The following TMEM179 variants were observed in gnomAD, a reference collection of about 807,000 sequenced individuals.
TMEM179 encodes transmembrane protein 179A.
In TMEM179, 17 loss-of-function variants were observed where a neutral mutation model predicts 22.2. That is an observed-to-expected ratio of 0.77 (90% CI 0.52 to 1.15). The LOEUF (loss-of-function observed/expected upper bound fraction) is 1.15. TMEM179 is among the 50% of genes most tolerant of loss of function. TMEM179 has a pLI of 0.00. For missense variants in TMEM179, 265 were observed against 313.6 expected (o/e 0.84, Z 1.17); for synonymous variants, 127 against 140.5 (o/e 0.90, Z 0.68).
intron 1 of TMEM179, among the ~76,000 whole-genome samples, chr14:104,603,035 G>A (rs149998774): frequency 8.5e-5 from 13 of 152,328 alleles, no homozygotes; most frequent in African/African-American, 3.1e-4. Context: ...GAGCAAAGGC[G>A]CCCTGTGAGG....
rs1448390972 is a variant in TMEM179, at chr14:104,593,496, TCTC to T, written c.682_684del (p.Glu228del). On this transcript the variant is annotated inframe_deletion, in exon 4 of 4. Coordinates refer to ENST00000556573, the MANE Select transcript of TMEM179 (RefSeq NM_001286389.2). ...CACTGTGCCTAAATGACAGCGCTCT[TCTC>T]CTCTTGGAAGGAGGTGCGTGGGGAC... 7.2e-6 allele frequency: 11 copies of T among 1,535,816 alleles called. No individual in the cohort carries two copies. The highest frequency in any genetic ancestry group is 9.6e-6 in the Non-Finnish European group (11 of 1,146,814).
chr14:104,596,883 C>A, intron 2 of TMEM179, 107 bp downstream of exon 2: 8 of 1,440,654 alleles, frequency 5.6e-6, no homozygotes, highest in Non-Finnish European at 6.6e-6. Context: ...CCAGGGACCG[C>A]AGACTCAGGA....
At position 104,597,552 on chromosome 14, in the gene TMEM179, A is replaced by G. The variant is rs547850042; in HGVS notation, c.306-425T>C. Reference sequence around the variant, plus strand: ...ATGTTCCAGTCCACTGAGGGGTTAGAAAGTGGGGCCTTTGGGAAGAGAGGA... The same window carrying G: ...ATGTTCCAGTCCACTGAGGGGTTAGGAAGTGGGGCCTTTGGGAAGAGAGGA... On this transcript the variant is annotated intron_variant, in intron 1 of 3. Transcript: ENST00000556573. The surrounding 1 kb of genome is among the most constrained non-coding windows in gnomAD (Gnocchi z 4.8). 6.6e-6 allele frequency among the ~76,000 whole-genome samples: 1 copy of G among 152,282 alleles called. No individual in the cohort carries two copies. The highest frequency in any genetic ancestry group is 2.1e-4 in the South Asian group (1 of 4,820).
At chr14:104,598,339 C>A (rs1008783787) in intron 1 of TMEM179, among the ~76,000 whole-genome samples, 6 of 152,204 alleles carry the variant, frequency 3.9e-5, no homozygotes, top group Non-Finnish European at 8.8e-5. Context: ...TCTCACCTGC[C>A]AGCAGGCTCG....
chr14:104,600,467 A>C (rs2140496041), intron 1 of TMEM179, among the ~76,000 whole-genome samples: 1 of 152,328 alleles, frequency 6.6e-6, no homozygotes, highest in South Asian at 2.1e-4. Flanking sequence ...CTGCCAGCCC[A>C]CGTGCTCAAT....
Position 104,597,708 on chromosome 14 carries a change from C to T in TMEM179, c.306-581G>A, listed in dbSNP as rs1299417285. Among the ~76,000 whole-genome samples the T allele has an allele frequency of 2.0e-5, 3 of 152,142 alleles. No individual in the cohort carries two copies. ...AGCAGGCATCGAACCTGGATCCCAG[C>T]CTGGATCGCAGACCTCTAGCCTCCG... On this transcript the variant is annotated intron_variant, in intron 1 of 3. Coordinates refer to ENST00000556573, the MANE Select transcript of TMEM179 (RefSeq NM_001286389.2). This position sits in a 1 kb window ranked among gnomAD's most constrained non-coding sequence, Gnocchi z 4.8.
chr14:104,598,919 C>G (rs4075516), intron 1 of TMEM179, among the ~76,000 whole-genome samples: 21,496 of 152,244 alleles, frequency 0.14, 1,687 homozygotes, highest in Middle Eastern at 0.22. Flanking sequence ...CAGCAGGACT[C>G]ACACACGTAC....
At position 104,593,446 on chromosome 14, in the gene TMEM179, G is replaced by T. The variant is rs577285495; in HGVS notation, c.*33C>A. 1.5e-5 allele frequency: 23 copies of T among 1,535,884 alleles called. No individual in the cohort carries two copies. The South Asian group carries it at 2.6e-4, about 17-fold the overall frequency. ...CCCGTGCCCCCGAGCGCAGCAGGGA[G>T]GTCGGGGCCAGCTCCCCCTGCCTGC... On this transcript the variant is annotated 3_prime_UTR_variant, in exon 4 of 4. Coordinates refer to ENST00000556573, the MANE Select transcript of TMEM179 (RefSeq NM_001286389.2).
chr14:104,598,284 G>A (rs1193841016), intron 1 of TMEM179, among the ~76,000 whole-genome samples: 2 of 152,186 alleles, frequency 1.3e-5, no homozygotes, highest in Admixed American at 6.5e-5. Flanking sequence ...CCTCACGGGC[G>A]GACACCAGCA....
intron 1 of TMEM179, among the ~76,000 whole-genome samples, chr14:104,599,119 C>G (rs1328340890): frequency 6.6e-6 from 1 of 152,206 alleles, no homozygotes; most frequent in Non-Finnish European, 1.5e-5. Flanking sequence ...CTCTCCAGCC[C>G]AGTGTGCTGT....
intron 3 of TMEM179, chr14:104,594,212 G>A: frequency 8.1e-7 from 1 of 1,231,878 alleles, no homozygotes; most frequent in South Asian, 4.1e-5. Context: ...TTAGGCCTGA[G>A]GCCTCTTCCA....
In TMEM179 at chr14:104,593,040, C is replaced by A; in HGVS notation, c.*439G>T. 5.8e-6 allele frequency: 1 copy of A among 172,406 alleles called. No individual in the cohort carries two copies. Among genetic ancestry groups the A allele is most frequent in the Non-Finnish European group, 1.2e-5 (1 of 80,930 alleles). 10.7% of individuals were successfully genotyped at this position (172,406 alleles called of 1,614,324 possible). ...AGCTCCTCCCCACACGCAGCCTCTG[C>A]CTGGATGGCAGAATTCATGCAGAAT... On this transcript the variant is annotated 3_prime_UTR_variant, in exon 4 of 4. Transcript: ENST00000556573.
intron 1 of TMEM179, among the ~76,000 whole-genome samples, chr14:104,601,872 AACCCTAACCCTC>A (rs1887250994): frequency 6.6e-6 from 1 of 152,078 alleles, no homozygotes. Flanking sequence ...CCCCCTCGAC[AACCCTAACCCTC>A]ACCCTAACCC....
At chr14:104,596,163 G>T (rs1460151568) in intron 2 of TMEM179, among the ~76,000 whole-genome samples, 1 of 152,254 alleles carries the variant, frequency 6.6e-6, no homozygotes, top group Non-Finnish European at 1.5e-5. Flanking sequence ...GAACAGACAG[G>T]CAGGGAGCCC....
chr14:104,597,915 G>T lies in TMEM179; in HGVS notation c.306-788C>A, dbSNP rs1887093539. Among the ~76,000 whole-genome samples the T allele has an allele frequency of 1.3e-5, 2 of 152,226 alleles. No individual in the cohort carries two copies. Among genetic ancestry groups the T allele is most frequent in the Admixed American group, 1.3e-4 (2 of 15,284 alleles). ...GGCTGTGATTGGGCCCATCTGACCAGGGCCAGAGCATGGGGAGCGCAGGAG... is the reference window on the plus strand; with the variant it reads ...GGCTGTGATTGGGCCCATCTGACCATGGCCAGAGCATGGGGAGCGCAGGAG... On this transcript the variant is annotated intron_variant, in intron 1 of 3. Coordinates refer to ENST00000556573, the MANE Select transcript of TMEM179 (RefSeq NM_001286389.2). The surrounding 1 kb of genome is among the most constrained non-coding windows in gnomAD (Gnocchi z 4.8).
Position 104,593,396 on chromosome 14 carries a change from C to A in TMEM179, c.*83G>T, listed in dbSNP as rs1004294385. On this transcript the variant is annotated 3_prime_UTR_variant, in exon 4 of 4. Coordinates refer to ENST00000556573, the MANE Select transcript of TMEM179 (RefSeq NM_001286389.2). ...GCATGTGGCCAGGGCCCAGGCAGAG[C>A]CCCCCAGCTGCTTCCCCAGGCAGGC... is the stretch of plus-strand genomic sequence containing the variant. 8.4e-5 allele frequency: 126 copies of A among 1,492,456 alleles called. No homozygotes were observed. The highest frequency in any genetic ancestry group is 2.4e-4 in the Admixed American group (12 of 50,002). 92.5% of individuals were successfully genotyped at this position (1,492,456 alleles called of 1,614,324 possible).
At position 104,592,196 on chromosome 14, in the gene TMEM179, GCA is replaced by G. The variant is rs1566740798; in HGVS notation, c.*1281_*1282del. 1 of 154,122 alleles carries G rather than the reference GCA, an allele frequency of 6.5e-6. No individual in the cohort carries two copies. Among genetic ancestry groups the G allele is most frequent in the Non-Finnish European group, 1.4e-5 (1 of 69,318 alleles). 9.5% of individuals were successfully genotyped at this position (154,122 alleles called of 1,614,324 possible). A position where few individuals can be genotyped will look rare whatever the true frequency, so the allele number is the denominator to read the frequency against. ...GTGCACATGCTCACATGCAACACAC[GCA>G]CATTCACATGCACTTACGCACATGC... On this transcript the variant is annotated 3_prime_UTR_variant, in exon 4 of 4. Coordinates refer to ENST00000556573, the MANE Select transcript of TMEM179 (RefSeq NM_001286389.2).
intron 1 of TMEM179, among the ~76,000 whole-genome samples, chr14:104,598,215 G>T (rs180937526): frequency 6.6e-6 from 1 of 152,202 alleles, no homozygotes; most frequent in Non-Finnish European, 1.5e-5. Flanking sequence ...GCTCCGGGGG[G>T]TAGGGAGAGG....
chr14:104,596,158 G>A (rs540012653), intron 2 of TMEM179, among the ~76,000 whole-genome samples: 1 of 152,382 alleles, frequency 6.6e-6, no homozygotes, highest in South Asian at 2.1e-4. Flanking sequence ...GCACGGAACA[G>A]ACAGGCAGGG....
Sources: allele counts gnomAD v4.1 joint callset (sites outside exome capture counted in the v4.1 genomes callset), GRCh38; gene constraint gnomAD v4.1.1; non-coding constraint Gnocchi (gnomAD v3.1); transcripts MANE v1.5; gene names NCBI Gene and HGNC (gene_info 2026-07-23, HGNC 2026-07-21).